RABEP2: variants seen among roughly 807,000 people sequenced by gnomAD.
The protein encoded by RABEP2 is rab GTPase-binding effector protein 2.
Under a neutral mutation model 74.1 loss-of-function variants are expected in RABEP2, and 57 were observed. That is an observed-to-expected ratio of 0.77 (90% confidence interval 0.62 to 0.96). The LOEUF (loss-of-function observed/expected upper bound fraction) is 0.96, where lower values mean the gene tolerates loss of function less well. Ranked by LOEUF, RABEP2 falls within the 40% of genes least tolerant of loss-of-function variation. The pLI, the probability that RABEP2 is intolerant of heterozygous loss-of-function variation, is 0.00. For synonymous variants in RABEP2, 351 were observed against 344.0 expected, an observed-to-expected ratio of 1.02 and a Z score of -0.23; for missense variants, 692 against 756.3, an observed-to-expected ratio of 0.91 and a Z score of 1.00.
At chr16:28,924,753 G>A in intron 1 of RABEP2, 138 bp from the exon 2 acceptor site, 1 of 534,594 alleles carries the variant, frequency 1.9e-6, no homozygotes, top group Non-Finnish European at 3.2e-6. Flanking sequence ...ACCTGGCCCC[G>A]CCCCTGCCCC....
At chr16:28,914,618 G>A (rs1567497842) in intron 4 of RABEP2, 32 bp from the exon 5 acceptor site, 3 of 1,610,170 alleles carry the variant, frequency 1.9e-6, no homozygotes, top group Non-Finnish European at 2.5e-6. Context: ...AGGCTGGGGG[G>A]CCAGGGTCCT....
chr16:28,915,796 A>C (rs1460746931), intron 3 of RABEP2, among the ~76,000 whole-genome samples: 1 of 151,934 alleles, frequency 6.6e-6, no homozygotes, highest in Non-Finnish European at 1.5e-5. Flanking sequence ...TCAGCCTCCC[A>C]AAGTGCTGGG....
In RABEP2 at chr16:28,924,385, G is replaced by A. The variant is rs1964506369; in HGVS notation, c.274+18C>T. 1.2e-6 allele frequency: 2 copies of A among 1,606,206 alleles called. No homozygotes were observed. Among genetic ancestry groups the A allele is most frequent in the South Asian group, 2.2e-5 (2 of 90,968 alleles). On this transcript the variant is annotated intron_variant, in intron 2 of 12. Transcript: ENST00000358201. ...AGTATGGGGTTGATGGGGAGTCTAG[G>A]TGAGTCCCGCGTCTCACCTTTCAGG...
chr16:28,914,236 C>G lies in RABEP2; in HGVS notation c.894G>C (p.Glu298Asp). ...PDTQWEQLQT[E>D]GRQLQKDLES... ...CCGCCACCCTGCCCACAACACTCAC[C>G]TCTGTCTGCAGCTGCTCCCACTGAG... The change falls in exon 5 of 13, where the codon GAG (glutamate) becomes GAC (aspartate). Residue 298 changes from glutamate to aspartate, a missense_variant and splice_region_variant. By Grantham distance (45) the Glu-to-Asp change is conservative (BLOSUM62 2). Coordinates refer to ENST00000358201, the MANE Select transcript of RABEP2 (RefSeq NM_024816.3). 1 of 1,592,560 alleles carries G rather than the reference C, an allele frequency of 6.3e-7. No individual in the cohort carries two copies. Among genetic ancestry groups the G allele is most frequent in the Non-Finnish European group, 8.5e-7 (1 of 1,170,096 alleles).
In RABEP2 at chr16:28,906,006, C is replaced by A. The variant is rs773053453; in HGVS notation, c.1423+13G>T. ...CTGGGCCCGGGGCTGGGGGCTTGTG[C>A]CCCTCCCCTCACCTGTCTCCTCCCG... On this transcript the variant is annotated intron_variant, in intron 9 of 12. Transcript: ENST00000358201. 6.8e-6 allele frequency: 11 copies of A among 1,607,402 alleles called. No individual in the cohort carries two copies. The highest frequency in any genetic ancestry group is 2.2e-5 in the East Asian group (1 of 44,582).
chr16:28,925,070 G>A (rs1208175562), intron 1 of RABEP2, 33 bp downstream of exon 1: 4 of 1,524,786 alleles, frequency 2.6e-6, no homozygotes, highest in Middle Eastern at 1.7e-4. Context: ...CAGCATCACC[G>A]TTCCCCGCTT....
chr16:28,905,838 C>T (rs1964219504), intron 10 of RABEP2, 29 bp downstream of exon 10: 2 of 1,613,966 alleles, frequency 1.2e-6, no homozygotes, highest in Non-Finnish European at 1.7e-6. Flanking sequence ...GGTGGGCGAT[C>T]CCCAAGATCA....
chr16:28,917,569 A>G (rs1373686078), intron 3 of RABEP2, among the ~76,000 whole-genome samples: 1 of 152,086 alleles, frequency 6.6e-6, no homozygotes, highest in Admixed American at 6.6e-5. Context: ...ACAGGTGCCC[A>G]CCACCATGCC....
chr16:28,905,265 G>C, intron 12 of RABEP2, 132 bp downstream of exon 12: 1 of 732,106 alleles, frequency 1.4e-6, no homozygotes, highest in Non-Finnish European at 2.3e-6. Context: ...TTGAGTAACA[G>C]CTCAGGACAG....
intron 3 of RABEP2, among the ~76,000 whole-genome samples, chr16:28,915,848 T>C (rs367562944): frequency 5.3e-5 from 8 of 149,958 alleles, no homozygotes; most frequent in African/African-American, 1.7e-4. Context: ...GGACAACTTT[T>C]TTTCTTTTAA....
chr16:28,906,144 T>TGCAGCCGGGCCC lies in RABEP2; in HGVS notation c.1286_1297dup (p.Arg429_Leu432dup). The TGCAGCCGGGCCC allele has an allele frequency of 6.3e-7, 1 of 1,584,612 alleles. No homozygotes were observed. The highest frequency in any genetic ancestry group is 8.5e-7 in the Non-Finnish European group (1 of 1,169,650). On this transcript the variant is annotated inframe_insertion, in exon 9 of 13. Transcript: ENST00000358201. The stretch of plus-strand genomic sequence containing the variant: ...GCGCTCGGCCCCGTGCTCCTGGGCC[T>TGCAGCCGGGCCC]GCAGCCGGGCCCTCGCCTCTTGCCG...
rs1172076863 is a variant in RABEP2 at position 28,912,393 on chromosome 16, G to GCTTT, written c.895-1218_895-1215dup. On this transcript the variant is annotated intron_variant, in intron 5 of 12. Transcript: ENST00000358201. ...CCTACCCCAACACAGCCCCAAGTAA[G>GCTTT]CTTTCTTTCTTTCTTTTTTTTTTTT... 2.3e-3 allele frequency among the ~76,000 whole-genome samples: 329 copies of GCTTT among 143,328 alleles called. 10 individuals are homozygous for GCTTT. Among genetic ancestry groups the GCTTT allele is most frequent in the Non-Finnish European group, 2.8e-3 (186 of 65,890 alleles). 94.0% of individuals were successfully genotyped at this position (143,328 alleles called of 152,430 possible). A position where few individuals can be genotyped will look rare whatever the true frequency, so the allele number is the denominator to read the frequency against.
intron 7 of RABEP2, among the ~76,000 whole-genome samples, chr16:28,909,409 C>CA (rs1361182801): frequency 1.3e-5 from 2 of 152,014 alleles, no homozygotes; most frequent in East Asian, 3.9e-4. Flanking sequence ...AAGTAGTTGC[C>CA]AATTCTAAAA....
At chr16:28,908,278 A>C (rs1275525295) in intron 8 of RABEP2, among the ~76,000 whole-genome samples, 1 of 152,136 alleles carries the variant, frequency 6.6e-6, no homozygotes, top group Non-Finnish European at 1.5e-5. Context: ...GACAAAGGCT[A>C]GGCATAGATC....
intron 1 of RABEP2, 107 bp downstream of exon 1, chr16:28,924,996 C>T: frequency 7.8e-7 from 1 of 1,281,332 alleles, no homozygotes; most frequent in Non-Finnish European, 1.1e-6. Flanking sequence ...CGGCGTGGCC[C>T]CGCCCCTTCC....
Position 28,924,733 on chromosome 16 carries a change from C to T in RABEP2, c.62-118G>A. ...ATCTGGGGCCTCCTTCACCTGGGCC[C>T]GCCCGGCTCACCTGGCCCCGCCCCT... On this transcript the variant is annotated intron_variant, in intron 1 of 12. Coordinates refer to ENST00000358201, the MANE Select transcript of RABEP2 (RefSeq NM_024816.3). 5.1e-6 allele frequency: 5 copies of T among 978,702 alleles called. No individual in the cohort carries two copies. In the South Asian group the frequency reaches 5.6e-5, roughly 11 times the overall value. 60.6% of individuals were successfully genotyped at this position (978,702 alleles called of 1,614,324 possible). A position where few individuals can be genotyped will look rare whatever the true frequency, so the allele number is the denominator to read the frequency against.
intron 3 of RABEP2, among the ~76,000 whole-genome samples, chr16:28,919,269 C>A (rs1964436236): frequency 6.6e-6 from 1 of 152,180 alleles, no homozygotes; most frequent in African/African-American, 2.4e-5. Flanking sequence ...GATCCTCCTG[C>A]CTCAACCTCC....
intron 5 of RABEP2, among the ~76,000 whole-genome samples, chr16:28,912,865 C>T (rs1259582408): frequency 6.6e-6 from 1 of 152,168 alleles, no homozygotes; most frequent in Non-Finnish European, 1.5e-5. Context: ...CCTCTTCTCT[C>T]CTCCCCGGTG....
intron 3 of RABEP2, among the ~76,000 whole-genome samples, chr16:28,915,145 C>T (rs77085403): frequency 0.048 from 2 of 42 alleles, no homozygotes; most frequent in African/African-American, 0.11. Flanking sequence ...GCTGCTACCT[C>T]CGCCTCCTGG....
Sources: gnomAD v4.1 joint callset for allele counts (sites outside exome capture counted in the v4.1 genomes callset) on GRCh38, gnomAD v4.1.1 for gene constraint, MANE v1.5 for transcripts, NCBI Gene and HGNC (gene_info 2026-07-23, HGNC 2026-07-21) for gene names.